The following STK39 variants were observed in gnomAD, a reference collection of about 807,000 sequenced individuals.
STK39 encodes the protein serine/threonine kinase 39.
A neutral mutation model predicts 77.8 loss-of-function variants in STK39; 20 were observed. The observed-to-expected ratio is 0.26, with a 90% CI of 0.18 to 0.37. The LOEUF (loss-of-function observed/expected upper bound fraction) is 0.37, where lower values mean the gene tolerates loss of function less well. Among genes scored for constraint, STK39 ranks in the 10% least tolerant of loss-of-function variants. The pLI is 1.00. For missense variants in STK39, 479 were observed against 656.5 expected, an observed-to-expected ratio of 0.73 and a Z score of 2.95; for synonymous variants, 246 against 234.1, an observed-to-expected ratio of 1.05 and a Z score of -0.47.
chr2:168,246,901 G>A (rs887396658), intron 1 of STK39, among the ~76,000 whole-genome samples: 40 of 151,944 alleles, frequency 2.6e-4, no homozygotes, highest in South Asian at 8.3e-4. Flanking sequence ...CACGCGGGGG[G>A]AGGAAGATGC....
intron 14 of STK39, among the ~76,000 whole-genome samples, chr2:168,048,521 C>G (rs1685309500): frequency 6.6e-6 from 1 of 151,852 alleles, no homozygotes; most frequent in South Asian, 2.1e-4. Flanking sequence ...CCGGCCCGGC[C>G]TATGCTTTTT....
At chr2:167,980,435 G>C (rs1683385612) in intron 16 of STK39, among the ~76,000 whole-genome samples, 1 of 152,216 alleles carries the variant, frequency 6.6e-6, no homozygotes, top group Admixed American at 6.5e-5. Context: ...CACACAGCTT[G>C]AGATTTAACC....
chr2:168,095,563 C>G (rs1211105106), intron 10 of STK39, among the ~76,000 whole-genome samples: 1 of 149,944 alleles, frequency 6.7e-6, no homozygotes, highest in Non-Finnish European at 1.5e-5. Context: ...AAAGAACACT[C>G]AAATCCCCAC....
chr2:168,223,158 G>A (rs1254377614), intron 1 of STK39, among the ~76,000 whole-genome samples: 1 of 152,106 alleles, frequency 6.6e-6, no homozygotes, highest in Non-Finnish European at 1.5e-5. Flanking sequence ...GGGTCTGCCT[G>A]GAGTTTCCTC....
At chr2:168,124,823 A>T (rs1339214452) in intron 10 of STK39, among the ~76,000 whole-genome samples, 2 of 152,202 alleles carry the variant, frequency 1.3e-5, no homozygotes, top group Non-Finnish European at 2.9e-5. Context: ...ATGTTCCTGT[A>T]GAAGATGCAC....
At chr2:168,028,741 C>T (rs974270969) in intron 14 of STK39, among the ~76,000 whole-genome samples, 8 of 152,136 alleles carry the variant, frequency 5.3e-5, no homozygotes, top group South Asian at 2.1e-4. Context: ...GGTTTTACTG[C>T]AGAGAACTCA....
intron 15 of STK39, among the ~76,000 whole-genome samples, chr2:168,016,399 A>AC (rs1168514362): frequency 8.0e-5 from 12 of 150,556 alleles, no homozygotes; most frequent in African/African-American, 2.7e-4. Flanking sequence ...AAAAAAAAAA[A>AC]AAAAAAAAAA....
chr2:168,220,324 G>A (rs937609948), intron 1 of STK39, among the ~76,000 whole-genome samples: 2 of 152,118 alleles, frequency 1.3e-5, no homozygotes, highest in Non-Finnish European at 1.5e-5. Context: ...GGTTTATCTA[G>A]TGAGAGTTCT....
At chr2:168,092,977 T>A (rs1171230640) in intron 10 of STK39, among the ~76,000 whole-genome samples, 1 of 152,178 alleles carries the variant, frequency 6.6e-6, no homozygotes, top group Non-Finnish European at 1.5e-5. Context: ...CACACATGTT[T>A]CTCTCTCCAG....
intron 1 of STK39, among the ~76,000 whole-genome samples, chr2:168,239,028 T>C (rs1690690796): frequency 6.6e-6 from 1 of 152,200 alleles, no homozygotes; most frequent in Admixed American, 6.5e-5. Flanking sequence ...CCCGGTTCTA[T>C]GGTCTTAGCA....
intron 16 of STK39, among the ~76,000 whole-genome samples, chr2:168,003,375 T>C (rs1684048882): frequency 6.6e-6 from 1 of 152,266 alleles, no homozygotes; most frequent in Non-Finnish European, 1.5e-5. Flanking sequence ...TATTAGATAG[T>C]CCAGCCTATC....
chr2:168,136,627 T>C lies in STK39; in HGVS notation c.974+1461A>G, dbSNP rs541852120. 3.3e-5 allele frequency among the ~76,000 whole-genome samples: 5 copies of C among 152,284 alleles called. 1 individual carries two copies. Among genetic ancestry groups the C allele is most frequent in the South Asian group, 4.1e-4 (2 of 4,830 alleles). ...AAGACCATCTATAATAACCTAGTAC[T>C]AACTGGAAAGACAAGAACTTCTCTT... On this transcript the variant is annotated intron_variant, in intron 8 of 17. Coordinates refer to ENST00000355999, the MANE Select transcript of STK39 (RefSeq NM_013233.3).
intron 14 of STK39, among the ~76,000 whole-genome samples, chr2:168,052,276 C>T (rs1685418476): frequency 6.6e-6 from 1 of 152,092 alleles, no homozygotes; most frequent in African/African-American, 2.4e-5. Context: ...GGTCATATTT[C>T]CAGGACTCTC....
chr2:167,999,845 C>G (rs1683950627), intron 16 of STK39, among the ~76,000 whole-genome samples: 1 of 152,278 alleles, frequency 6.6e-6, no homozygotes, highest in East Asian at 1.9e-4. Context: ...TAGAAGGCTC[C>G]TCCCGCTACT....
intron 16 of STK39, among the ~76,000 whole-genome samples, chr2:168,002,025 G>A (rs1684014747): frequency 6.6e-6 from 1 of 152,212 alleles, no homozygotes; most frequent in South Asian, 2.1e-4. Context: ...TTAAAGGACA[G>A]ATTAACATAA....
chr2:168,027,101 G>A (rs1684717439), intron 14 of STK39, among the ~76,000 whole-genome samples: 1 of 152,152 alleles, frequency 6.6e-6, no homozygotes. Flanking sequence ...GTTGGAGGGT[G>A]GGTAAGGTAG....
Position 168,018,199 on chromosome 2 carries a change from C to G in STK39, c.1377-1104G>C, listed in dbSNP as rs1301752301. On this transcript the variant is annotated intron_variant, in intron 14 of 17. Coordinates refer to ENST00000355999, the MANE Select transcript of STK39 (RefSeq NM_013233.3). Reference sequence around the variant, plus strand: ...CTAGAATTAAGGTTAATAAAAACATCTTAAGAAATCGCAGTAGAAGCCAGG... The same window carrying G: ...CTAGAATTAAGGTTAATAAAAACATGTTAAGAAATCGCAGTAGAAGCCAGG... Among the ~76,000 whole-genome samples the G allele has an allele frequency of 2.0e-5, 3 of 151,990 alleles. No homozygotes were observed. In the East Asian group the frequency reaches 5.8e-4, roughly 29 times the overall value.
At chr2:167,967,783 A>C (rs965468652) in intron 16 of STK39, among the ~76,000 whole-genome samples, 8 of 152,102 alleles carry the variant, frequency 5.3e-5, no homozygotes, top group African/African-American at 1.9e-4. Flanking sequence ...CAAATTCTCC[A>C]CATTTTTTAA....
At position 168,209,277 on chromosome 2, in the gene STK39, TAC is replaced by T. The variant is rs532047971; in HGVS notation, c.209-27189_209-27188del. Among the ~76,000 whole-genome samples the T allele has an allele frequency of 2.5e-4, 38 of 152,244 alleles. No homozygotes were observed. The East Asian group carries it at 5.6e-3, about 22-fold the overall frequency. The stretch of plus-strand genomic sequence containing the variant: ...TAGATTTTTTTAAAGTGATGGAAAA[TAC>T]AGAGACCACCAGAAAAACATGTATT... On this transcript the variant is annotated intron_variant, in intron 1 of 17. Coordinates refer to ENST00000355999, the MANE Select transcript of STK39 (RefSeq NM_013233.3).
Sources: allele counts gnomAD v4.1 joint callset (sites outside exome capture counted in the v4.1 genomes callset), GRCh38; gene constraint gnomAD v4.1.1; transcripts MANE v1.5; gene names NCBI Gene and HGNC (gene_info 2026-07-23, HGNC 2026-07-21).